The following PARD3B variants were observed in gnomAD, a reference collection of about 807,000 sequenced individuals.
PARD3B encodes the protein partitioning defective 3 homolog B.
In PARD3B, 103 loss-of-function variants were observed where a neutral mutation model predicts 130.2. That is an observed-to-expected ratio of 0.79 (90% CI 0.67 to 0.93). The LOEUF (loss-of-function observed/expected upper bound fraction) is 0.93. Ranked by LOEUF, PARD3B falls within the 40% of genes least tolerant of loss-of-function variation. The probability of loss-of-function intolerance (pLI) is 0.00; values close to 1 mark genes in which losing one functional copy is unlikely to be tolerated. For synonymous variants in PARD3B, 583 were observed against 553.2 expected (o/e 1.05, Z -0.76); for missense variants, 1,609 against 1,499.2 (o/e 1.07, Z -1.21).
chr2:204,611,971 T>A (rs1345635366), intron 1 of PARD3B, among the ~76,000 whole-genome samples: 1 of 152,220 alleles, frequency 6.6e-6, no homozygotes, highest in Non-Finnish European at 1.5e-5. Context: ...ACTCAGATCA[T>A]TTCAGGAGTT....
intron 10 of PARD3B, among the ~76,000 whole-genome samples, chr2:205,148,076 T>G (rs917721142): frequency 6.6e-6 from 1 of 152,106 alleles, no homozygotes; most frequent in Non-Finnish European, 1.5e-5. Flanking sequence ...TTGTCTGTAT[T>G]CTAATGTATT....
At chr2:205,551,544 C>A (rs79062839) in intron 21 of PARD3B, among the ~76,000 whole-genome samples, 1 of 152,044 alleles carries the variant, frequency 6.6e-6, no homozygotes, top group African/African-American at 2.4e-5. Flanking sequence ...TCTCAGATAA[C>A]CCCAGTGTCT....
At position 205,331,221 on chromosome 2, in the gene PARD3B, C is replaced by T. The variant is rs374367402; in HGVS notation, c.2630+29520C>T. On this transcript the variant is annotated intron_variant, in intron 18 of 22. Coordinates refer to ENST00000406610, the MANE Select transcript of PARD3B (RefSeq NM_001302769.2). ...ACACACACAGACATGTGCATACAAA[C>T]GTTCACAGATTTACGTGCATATAAG... Among the ~76,000 whole-genome samples, 10 of 151,772 alleles carry T rather than the reference C, an allele frequency of 6.6e-5. 1 individual carries two copies. The highest frequency in any genetic ancestry group is 5.8e-4 in the East Asian group (3 of 5,152).
chr2:205,234,884 A>G (rs561151020), intron 15 of PARD3B, among the ~76,000 whole-genome samples: 1 of 152,358 alleles, frequency 6.6e-6, no homozygotes, highest in Non-Finnish European at 1.5e-5. Flanking sequence ...TAGCAGAAAG[A>G]AATCTGGAAA....
chr2:205,595,926 CA>C (rs138712225), intron 22 of PARD3B, among the ~76,000 whole-genome samples: 32,346 of 145,408 alleles, frequency 0.22, 3,939 homozygotes, highest in Non-Finnish European at 0.3. Flanking sequence ...ACATTTGAGA[CA>C]AAAAAAAAAG....
At chr2:204,578,680 A>G (rs562637804) in intron 1 of PARD3B, among the ~76,000 whole-genome samples, 9 of 152,250 alleles carry the variant, frequency 5.9e-5, no homozygotes, top group African/African-American at 9.6e-5. Flanking sequence ...TACACAGGTG[A>G]TAAAAATTCA....
At chr2:204,806,910 C>G (rs901740897) in intron 2 of PARD3B, among the ~76,000 whole-genome samples, 1 of 151,964 alleles carries the variant, frequency 6.6e-6, no homozygotes, top group Non-Finnish European at 1.5e-5. Context: ...ATTGCATTAG[C>G]CTATTTTCAT....
chr2:204,888,105 G>A (rs1040882099), intron 2 of PARD3B, among the ~76,000 whole-genome samples: 2 of 152,098 alleles, frequency 1.3e-5, no homozygotes, highest in African/African-American at 2.4e-5. Flanking sequence ...TGGCAGGCAA[G>A]GCACAAGCAC....
chr2:204,624,896 G>A (rs2125132127), intron 1 of PARD3B, among the ~76,000 whole-genome samples: 1 of 152,220 alleles, frequency 6.6e-6, no homozygotes, highest in East Asian at 1.9e-4. Flanking sequence ...ACCAGCATTT[G>A]ATATTGTCAC....
intron 4 of PARD3B, among the ~76,000 whole-genome samples, chr2:205,062,155 A>G (rs770240800): frequency 6.6e-6 from 1 of 151,814 alleles, no homozygotes; most frequent in Non-Finnish European, 1.5e-5. Flanking sequence ...TCCTTTTTCT[A>G]TCCCTTTTCT....
chr2:205,064,694 A>C (rs937741447), intron 4 of PARD3B, among the ~76,000 whole-genome samples: 2 of 152,176 alleles, frequency 1.3e-5, no homozygotes, highest in Non-Finnish European at 2.9e-5. Flanking sequence ...TGAGTGCCGT[A>C]AGTTCAGGGA....
At chr2:204,676,737 T>TCG (rs2125222580) in intron 1 of PARD3B, among the ~76,000 whole-genome samples, 1 of 146,740 alleles carries the variant, frequency 6.8e-6, no homozygotes, top group African/African-American at 2.5e-5. Context: ...TGGTGCAATC[T>TCG]CGGCTCACTG....
chr2:204,880,657 CAAAAAAAAA>C (rs746023895), intron 2 of PARD3B, among the ~76,000 whole-genome samples: 4 of 55,466 alleles, frequency 7.2e-5, no homozygotes, highest in African/African-American at 1.1e-4. Context: ...GACTCCATCT[CAAAAAAAAA>C]AAAAAAAAAA....
At chr2:205,132,303 G>A (rs76698663) in intron 10 of PARD3B, among the ~76,000 whole-genome samples, 1 of 152,050 alleles carries the variant, frequency 6.6e-6, no homozygotes, top group Non-Finnish European at 1.5e-5. Flanking sequence ...TTTTAATTTG[G>A]CTGTGTTGTG....
chr2:205,616,062 C>T lies in PARD3B; in HGVS notation c.*249C>T, dbSNP rs565558485. 3.4e-5 allele frequency: 17 copies of T among 498,688 alleles called. No homozygotes were observed. The highest frequency in any genetic ancestry group is 2.3e-4 in the East Asian group (7 of 30,278). The allele number at this position is 498,688 out of a possible 1,614,324, so 30.9% of individuals were successfully genotyped here. A position where few individuals can be genotyped will look rare whatever the true frequency, so the allele number is the denominator to read the frequency against. ...AAACAAAACTACCTGATAGTTGAAA[C>T]GCTTTCAGAGTTGTTCAAATCAGTG... On this transcript the variant is annotated 3_prime_UTR_variant, in exon 23 of 23. Coordinates refer to ENST00000406610, the MANE Select transcript of PARD3B (RefSeq NM_001302769.2).
At chr2:205,103,842 G>A (rs748945867) in intron 4 of PARD3B, 11 of 624,412 alleles carry the variant, frequency 1.8e-5, no homozygotes, top group Non-Finnish European at 2.2e-5. Flanking sequence ...TTCTGTAGTG[G>A]GAGCCTGTTT....
chr2:205,493,791 T>C (rs2049822124), intron 20 of PARD3B, among the ~76,000 whole-genome samples: 1 of 151,902 alleles, frequency 6.6e-6, no homozygotes, highest in Non-Finnish European at 1.5e-5. Flanking sequence ...AGAGTCTTGC[T>C]CTGTTGCCCA....
intron 2 of PARD3B, among the ~76,000 whole-genome samples, chr2:204,690,099 C>T (rs2037285385): frequency 6.6e-6 from 1 of 152,118 alleles, no homozygotes; most frequent in South Asian, 2.1e-4. Context: ...AAAGGCTTGT[C>T]AGCTCTACCT....
At chr2:205,538,595 T>G (rs924122359) in intron 21 of PARD3B, among the ~76,000 whole-genome samples, 3 of 152,152 alleles carry the variant, frequency 2.0e-5, no homozygotes, top group African/African-American at 7.2e-5. Context: ...AAGAGTTCTC[T>G]CTCTATAATT....
Sources: gnomAD v4.1 joint callset for allele counts (sites outside exome capture counted in the v4.1 genomes callset) on GRCh38, gnomAD v4.1.1 for gene constraint, MANE v1.5 for transcripts, NCBI Gene and HGNC (gene_info 2026-07-23, HGNC 2026-07-21) for gene names.